Variants in LRRC4C observed in about 807,000 individuals in gnomAD.
LRRC4C encodes the protein leucine-rich repeat-containing protein 4C.
LRRC4C carries 5 observed loss-of-function variants against 33.6 expected under a neutral mutation model. The ratio of observed to expected loss-of-function variants is 0.15; its 90% CI spans 0.08 to 0.31. The LOEUF is 0.31. LRRC4C is among the 10% of genes least tolerant of loss of function. The pLI, the probability that LRRC4C is intolerant of heterozygous loss-of-function variation, is 1.00. For missense variants in LRRC4C, 560 were observed against 796.7 expected (o/e 0.70, Z 3.58); for synonymous variants, 329 against 302.0 (o/e 1.09, Z -0.93).
chr11:40,638,410 C>T (rs969731227), intron 3 of LRRC4C, among the ~76,000 whole-genome samples: 7 of 152,122 alleles, frequency 4.6e-5, no homozygotes, highest in African/African-American at 1.7e-4. Context: ...CCATTTCTTC[C>T]TCTGTAATTC....
rs189815969 is a variant in LRRC4C at position 41,036,946 on chromosome 11, T to G, written c.-495-103223A>C. ...ACATTTGCATCACTGTTTTTACAATTTATAGACTTATAAGATAGCTCAAAG... is the reference window on the plus strand; with the variant it reads ...ACATTTGCATCACTGTTTTTACAATGTATAGACTTATAAGATAGCTCAAAG... On this transcript the variant is annotated intron_variant, in intron 1 of 6. Coordinates refer to ENST00000528697, the MANE Select transcript of LRRC4C (RefSeq NM_001258419.2). 2.6e-4 allele frequency among the ~76,000 whole-genome samples: 40 copies of G among 152,298 alleles called. No homozygotes were observed. In the East Asian group the frequency reaches 7.7e-3, roughly 29 times the overall value.
intron 3 of LRRC4C, among the ~76,000 whole-genome samples, chr11:40,604,748 G>A (rs1437329028): frequency 6.6e-6 from 1 of 151,840 alleles, no homozygotes; most frequent in Non-Finnish European, 1.5e-5. Context: ...AGGAGAATAT[G>A]CTAAAGATGA....
chr11:41,282,491 G>T (rs2136943112), intron 1 of LRRC4C, among the ~76,000 whole-genome samples: 1 of 152,308 alleles, frequency 6.6e-6, no homozygotes, highest in Middle Eastern at 3.4e-3. Flanking sequence ...TCCAATGGGA[G>T]AAGTCCCAGA....
chr11:40,881,212 T>A (rs1299084660), intron 2 of LRRC4C, among the ~76,000 whole-genome samples: 4 of 152,260 alleles, frequency 2.6e-5, no homozygotes, highest in African/African-American at 9.6e-5. Flanking sequence ...CAGTGCTTTA[T>A]AATCTTTACA....
At chr11:41,114,385 G>A (rs1942008126) in intron 1 of LRRC4C, among the ~76,000 whole-genome samples, 1 of 152,018 alleles carries the variant, frequency 6.6e-6, no homozygotes, top group South Asian at 2.1e-4. Flanking sequence ...GTATATGCCA[G>A]CCTATTAGTA....
chr11:40,673,517 A>G (rs1005262388), intron 2 of LRRC4C, among the ~76,000 whole-genome samples: 5 of 152,200 alleles, frequency 3.3e-5, no homozygotes, highest in African/African-American at 1.2e-4. Flanking sequence ...TATAAATTTT[A>G]CTGAATTGTA....
Position 40,115,506 on chromosome 11 carries a change from A to G in LRRC4C, c.787T>C (p.Phe263Leu). The G allele has an allele frequency of 1.9e-6, 3 of 1,614,210 alleles. No homozygotes were observed. The highest frequency in any genetic ancestry group is 2.5e-6 in the Non-Finnish European group (3 of 1,180,034). Residue 263 changes from phenylalanine (F) to leucine (L), a missense_variant, in exon 7 of 7, where the codon TTT (phenylalanine) becomes CTT (leucine). Physicochemically the swap from Phe to Leu is conservative, Grantham distance 22. Transcript: ENST00000528697. The surrounding 1 kb of genome is among the most constrained non-coding windows in gnomAD (Gnocchi z 6.7). ...SQIQVIERNAFDNLQSLVEIN... is the reference protein window; with the variant it reads ...SQIQVIERNALDNLQSLVEIN... ...TCCACTAGTGACTGAAGGTTGTCAA[A>G]GGCATTCCGTTCAATCACTTGAATC...
At chr11:41,305,207 C>T (rs2137126180) in intron 1 of LRRC4C, among the ~76,000 whole-genome samples, 1 of 56,448 alleles carries the variant, frequency 1.8e-5, no homozygotes, top group African/African-American at 4.6e-5. Flanking sequence ...CCCGGCCAGC[C>T]GCCCCGTCCG....
intron 2 of LRRC4C, among the ~76,000 whole-genome samples, chr11:40,929,893 T>G: frequency 6.6e-6 from 1 of 152,190 alleles, no homozygotes; most frequent in East Asian, 1.9e-4. Flanking sequence ...CCTAAACAGT[T>G]ACATTTAATT....
At chr11:40,578,070 G>C (rs1481537438) in intron 3 of LRRC4C, among the ~76,000 whole-genome samples, 1 of 143,120 alleles carries the variant, frequency 7.0e-6, no homozygotes, top group African/African-American at 2.6e-5. Context: ...TCCTGACCTT[G>C]TGATCCACCT....
chr11:40,867,841 C>T (rs189943870), intron 2 of LRRC4C, among the ~76,000 whole-genome samples: 99 of 152,306 alleles, frequency 6.5e-4, no homozygotes, highest in Admixed American at 3.1e-3. Context: ...ACCTGATGCA[C>T]ACCTCAGCTT....
chr11:40,420,238 G>A (rs572808047), intron 3 of LRRC4C, among the ~76,000 whole-genome samples: 7 of 152,238 alleles, frequency 4.6e-5, no homozygotes, highest in African/African-American at 1.2e-4. Context: ...CTCTGAAATC[G>A]ATCACCACAA....
intron 1 of LRRC4C, among the ~76,000 whole-genome samples, chr11:41,449,916 A>T (rs557949434): frequency 5.3e-5 from 8 of 152,294 alleles, no homozygotes; most frequent in African/African-American, 1.9e-4. Context: ...CATCCTATGA[A>T]ACTACCTGGC....
chr11:40,332,279 T>C (rs897683448), intron 3 of LRRC4C, among the ~76,000 whole-genome samples: 29 of 152,216 alleles, frequency 1.9e-4, no homozygotes, highest in African/African-American at 7.0e-4. Flanking sequence ...TTCTTGCTTT[T>C]AGTAACTCCA....
chr11:41,354,353 A>G (rs1952085751), intron 1 of LRRC4C, among the ~76,000 whole-genome samples: 1 of 152,138 alleles, frequency 6.6e-6, no homozygotes. Context: ...ATTACAAAAC[A>G]CTGCTGAAAG....
intron 2 of LRRC4C, among the ~76,000 whole-genome samples, chr11:40,860,149 G>A (rs886235202): frequency 2.0e-5 from 3 of 151,544 alleles, no homozygotes; most frequent in African/African-American, 7.3e-5. Context: ...AAAACATTTT[G>A]CTAAATGAAA....
chr11:41,083,958 G>A (rs975063965), intron 1 of LRRC4C, among the ~76,000 whole-genome samples: 1 of 152,190 alleles, frequency 6.6e-6, no homozygotes, highest in African/African-American at 2.4e-5. Flanking sequence ...GTAAACTGCT[G>A]TATCACAGAG....
At chr11:40,734,092 C>A (rs1947737744) in intron 2 of LRRC4C, among the ~76,000 whole-genome samples, 1 of 152,004 alleles carries the variant, frequency 6.6e-6, no homozygotes. Context: ...AAAACTAAAT[C>A]TTTTATAATG....
intron 4 of LRRC4C, among the ~76,000 whole-genome samples, chr11:40,246,439 G>A (rs572286190): frequency 1.3e-5 from 2 of 152,288 alleles, no homozygotes; most frequent in South Asian, 4.1e-4. Context: ...TAAGGACTGT[G>A]GAAAATGATA....
Sources: gnomAD v4.1 joint callset for allele counts (sites outside exome capture counted in the v4.1 genomes callset) on GRCh38, gnomAD v4.1.1 for gene constraint, Gnocchi (gnomAD v3.1) non-coding constraint, MANE v1.5 for transcripts, NCBI Gene and HGNC (gene_info 2026-07-23, HGNC 2026-07-21) for gene names.